SH3RF3: variants seen among roughly 807,000 people sequenced by gnomAD.
The protein encoded by SH3RF3 is E3 ubiquitin-protein ligase SH3RF3.
SH3RF3 carries 29 observed loss-of-function variants against 66.3 expected under a neutral mutation model. The ratio of observed to expected loss-of-function variants is 0.44; its 90% CI spans 0.33 to 0.60. The LOEUF (loss-of-function observed/expected upper bound fraction) is 0.60, where lower values mean the gene tolerates loss of function less well. SH3RF3 is among the 20% of genes least tolerant of loss of function. The probability of loss-of-function intolerance (pLI) is 0.04; values close to 1 mark genes in which losing one functional copy is unlikely to be tolerated. For synonymous variants in SH3RF3, 583 were observed against 532.0 expected, an observed-to-expected ratio of 1.10 and a Z score of -1.32; for missense variants, 1,194 against 1,190.9, an observed-to-expected ratio of 1.00 and a Z score of -0.04.
At chr2:109,489,990 G>A (rs1185438814) in intron 8 of SH3RF3, among the ~76,000 whole-genome samples, 1 of 152,146 alleles carries the variant, frequency 6.6e-6, no homozygotes, top group Non-Finnish European at 1.5e-5. Context: ...TGCCCACCTT[G>A]GCCTCCCAAA....
At chr2:109,226,890 C>T (rs561115123) in intron 1 of SH3RF3, among the ~76,000 whole-genome samples, 1 of 152,304 alleles carries the variant, frequency 6.6e-6, no homozygotes, top group African/African-American at 2.4e-5. Flanking sequence ...CAGAGAGAAG[C>T]AAAGCCGTGT....
At chr2:109,469,718 C>T (rs1039528702) in intron 8 of SH3RF3, among the ~76,000 whole-genome samples, 7 of 152,164 alleles carry the variant, frequency 4.6e-5, no homozygotes, top group African/African-American at 1.2e-4. Flanking sequence ...TCTGGCAGAA[C>T]GCTGAAAAGC....
At chr2:109,229,637 A>G (rs1679449861) in intron 1 of SH3RF3, among the ~76,000 whole-genome samples, 1 of 152,180 alleles carries the variant, frequency 6.6e-6, no homozygotes, top group African/African-American at 2.4e-5. Flanking sequence ...CAGCCCCTCC[A>G]GGGTCAGGAA....
chr2:109,499,473 C>T (rs1455264363), intron 9 of SH3RF3, among the ~76,000 whole-genome samples: 4 of 152,208 alleles, frequency 2.6e-5, no homozygotes, highest in African/African-American at 9.6e-5. Context: ...CCTTACTGCA[C>T]AATCCTCACC....
intron 1 of SH3RF3, among the ~76,000 whole-genome samples, chr2:109,132,935 TCAGA>T (rs1278270981): frequency 6.6e-6 from 1 of 152,260 alleles, no homozygotes; most frequent in Non-Finnish European, 1.5e-5. Flanking sequence ...GACTTGAATA[TCAGA>T]CAATTCCAAT....
chr2:109,136,892 C>T (rs1268520439), intron 1 of SH3RF3, among the ~76,000 whole-genome samples: 1 of 152,140 alleles, frequency 6.6e-6, no homozygotes. Flanking sequence ...AGCAAGACCT[C>T]ACCAGAGAAT....
At position 109,449,413 on chromosome 2, in the gene SH3RF3, G is replaced by C. The variant is rs892885210; in HGVS notation, c.2072G>C (p.Gly691Ala). The C allele has an allele frequency of 1.9e-6, 3 of 1,613,628 alleles. No homozygotes were observed. The highest frequency in any genetic ancestry group is 2.5e-6 in the Non-Finnish European group (3 of 1,179,802). The change falls in exon 8 of 10, where the codon GGG becomes GCG. Residue 691 changes from glycine to alanine, a missense_variant. Coordinates refer to ENST00000309415, the MANE Select transcript of SH3RF3 (RefSeq NM_001099289.3). ...GCAAACCTCAACGGGGAGGCTGGAGGGGGGCCCATCGGTGTTCTGTCCACA... is the reference window on the plus strand; with the variant it reads ...GCAAACCTCAACGGGGAGGCTGGAGCGGGGCCCATCGGTGTTCTGTCCACA... Reference protein sequence around the residue: ...SAANLNGEAGGGPIGVLSTSS... With the variant: ...SAANLNGEAGAGPIGVLSTSS...
At chr2:109,223,370 C>T (rs1229014875) in intron 1 of SH3RF3, among the ~76,000 whole-genome samples, 1 of 152,178 alleles carries the variant, frequency 6.6e-6, no homozygotes, top group Non-Finnish European at 1.5e-5. Flanking sequence ...CCCGAAGAAG[C>T]AGGAGTGGCC....
At chr2:109,328,025 T>G (rs555022642) in intron 1 of SH3RF3, among the ~76,000 whole-genome samples, 58 of 152,336 alleles carry the variant, frequency 3.8e-4, no homozygotes, top group African/African-American at 1.4e-3. Context: ...GTCCCTCCAC[T>G]TTTTTTGTTT....
chr2:109,442,698 C>T (rs1559086178), intron 7 of SH3RF3, among the ~76,000 whole-genome samples: 1 of 151,832 alleles, frequency 6.6e-6, no homozygotes. Context: ...TAAGCAGTCA[C>T]TAAATATGAA....
chr2:109,210,121 G>A (rs946330528), intron 1 of SH3RF3, among the ~76,000 whole-genome samples: 6 of 152,108 alleles, frequency 3.9e-5, no homozygotes, highest in African/African-American at 9.7e-5. Flanking sequence ...CGACATAGCC[G>A]CATGCGTCAC....
chr2:109,452,781 G>A (rs1296762526), intron 8 of SH3RF3, among the ~76,000 whole-genome samples: 1 of 151,664 alleles, frequency 6.6e-6, no homozygotes, highest in African/African-American at 2.4e-5. Context: ...GTCCCAGGAG[G>A]CTGGTCCCTG....
At chr2:109,381,174 T>TG (rs1373640960) in intron 3 of SH3RF3, among the ~76,000 whole-genome samples, 2 of 152,178 alleles carry the variant, frequency 1.3e-5, no homozygotes, top group African/African-American at 4.8e-5. Context: ...TACTCAGGAC[T>TG]GGAAGTGTGT....
rs577703418 is a variant in SH3RF3, at chr2:109,201,401, C to T, written c.573+71288C>T. Reference sequence around the variant, plus strand: ...CCTTGCCTGTGTGCAGGCTGTTTCCCGGATCTCTCTGTCTCCAGGCACACA... The same window carrying T: ...CCTTGCCTGTGTGCAGGCTGTTTCCTGGATCTCTCTGTCTCCAGGCACACA... On this transcript the variant is annotated intron_variant, in intron 1 of 9. Coordinates refer to ENST00000309415, the MANE Select transcript of SH3RF3 (RefSeq NM_001099289.3). Among the ~76,000 whole-genome samples the T allele has an allele frequency of 2.2e-4, 33 of 152,306 alleles. 1 individual carries two copies. Among genetic ancestry groups the T allele is most frequent in the Admixed American group, 5.9e-4 (9 of 15,300 alleles).
Position 109,453,202 on chromosome 2 carries a change from T to C in SH3RF3, c.2148+3713T>C, listed in dbSNP as rs548787542. Among the ~76,000 whole-genome samples the C allele has an allele frequency of 2.6e-5, 4 of 152,322 alleles. No individual in the cohort carries two copies. The South Asian group carries it at 6.2e-4, about 24-fold the overall frequency. On this transcript the variant is annotated intron_variant, in intron 8 of 9. Transcript: ENST00000309415. ...CTGGGCCCAGGCATCTGCCAGCCTA[T>C]GCAGGAACCTCTCCAGCCTACTCTC... is the stretch of plus-strand genomic sequence containing the variant.
chr2:109,220,815 G>C (rs746437840), intron 1 of SH3RF3, among the ~76,000 whole-genome samples: 1 of 152,194 alleles, frequency 6.6e-6, no homozygotes, highest in African/African-American at 2.4e-5. Flanking sequence ...CATATAAAAT[G>C]GTACAGCTGC....
intron 2 of SH3RF3, among the ~76,000 whole-genome samples, chr2:109,348,720 G>C (rs78184762): frequency 6.6e-6 from 1 of 152,094 alleles, no homozygotes; most frequent in South Asian, 2.1e-4. Flanking sequence ...TATCCAGGCT[G>C]CTTGCTGGGT....
chr2:109,205,024 A>G (rs1487053474), intron 1 of SH3RF3, among the ~76,000 whole-genome samples: 1 of 152,174 alleles, frequency 6.6e-6, no homozygotes, highest in Non-Finnish European at 1.5e-5. Context: ...CCTGGTCAAC[A>G]TAGTGATACC....
chr2:109,434,667 T>C (rs1677349234), intron 6 of SH3RF3, among the ~76,000 whole-genome samples: 1 of 152,210 alleles, frequency 6.6e-6, no homozygotes, highest in Non-Finnish European at 1.5e-5. Context: ...CATCCTTGCC[T>C]GTGCTGTAGT....
Sources: gnomAD v4.1 joint callset for allele counts (sites outside exome capture counted in the v4.1 genomes callset) on GRCh38, gnomAD v4.1.1 for gene constraint, MANE v1.5 for transcripts, NCBI Gene and HGNC (gene_info 2026-07-23, HGNC 2026-07-21) for gene names.